The following RAP1GAP2 variants were observed in gnomAD, a reference collection of about 807,000 sequenced individuals.
The protein encoded by RAP1GAP2 is RAP1 GTPase activating protein 2.
Under a neutral mutation model 95.0 loss-of-function variants are expected in RAP1GAP2, and 27 were observed. That is an observed-to-expected ratio of 0.28 (90% CI 0.21 to 0.39). The LOEUF (loss-of-function observed/expected upper bound fraction) is 0.39. Ranked by LOEUF, RAP1GAP2 falls within the 10% of genes least tolerant of loss-of-function variation. The pLI is 1.00. For synonymous variants in RAP1GAP2, 373 were observed against 380.9 expected, an observed-to-expected ratio of 0.98 and a Z score of 0.24; for missense variants, 771 against 970.0, an observed-to-expected ratio of 0.79 and a Z score of 2.72.
intron 1 of RAP1GAP2, among the ~76,000 whole-genome samples, chr17:2,798,882 G>A (rs1264813537): frequency 6.6e-6 from 1 of 152,156 alleles, no homozygotes; most frequent in East Asian, 1.9e-4. Flanking sequence ...CGGTGGGCGG[G>A]GCTGACCCGA....
chr17:2,901,284 C>T lies in RAP1GAP2; in HGVS notation c.81-4000C>T, dbSNP rs368277244. ...CCCCCAGGTGGCAGAGGCTCTCTGA[C>T]CTGCCCTTCCAGCCTGCCCTTGCCA... On this transcript the variant is annotated intron_variant, in intron 2 of 24. Transcript: ENST00000254695. Among the ~76,000 whole-genome samples the T allele has an allele frequency of 7.2e-5, 11 of 152,308 alleles. No individual in the cohort carries two copies. The East Asian group carries it at 2.1e-3, about 29-fold the overall frequency.
At chr17:2,776,823 CGGAGGA>C (rs372983882), upstream of RAP1GAP2, among the ~76,000 whole-genome samples, 1,003 of 144,094 alleles carry the variant, frequency 7.0e-3, 5 homozygotes, top group Middle Eastern at 0.014. Context: ...CCCGCCGCCC[CGGAGGA>C]GGAGGAGGAG....
intron 2 of RAP1GAP2, among the ~76,000 whole-genome samples, chr17:2,852,500 G>C (rs1326888486): frequency 1.3e-5 from 2 of 152,116 alleles, no homozygotes; most frequent in African/African-American, 4.8e-5. Flanking sequence ...TCAGGCCCTC[G>C]AATTCGTTTG....
rs368236703 is a variant in RAP1GAP2, at chr17:2,841,036, T to G, written c.80+40486T>G. ...CCGGTGTGGTGGCTCACGCCTGTAA[T>G]TCCAGCTGCTTGGGAAGCTGAGGCA... On this transcript the variant is annotated intron_variant, in intron 2 of 24. Coordinates refer to ENST00000254695, the MANE Select transcript of RAP1GAP2 (RefSeq NM_015085.5). Among the ~76,000 whole-genome samples the G allele has an allele frequency of 5.9e-5, 9 of 151,772 alleles. No individual in the cohort carries two copies. In the East Asian group the frequency reaches 6.0e-4, roughly 10 times the overall value.
In RAP1GAP2 at chr17:3,036,987, CCCTCGGCT is replaced by C. The variant is rs368768533; in HGVS notation, c.*3631_*3638del. On this transcript the variant is annotated 3_prime_UTR_variant, in exon 25 of 25. Coordinates refer to ENST00000254695, the MANE Select transcript of RAP1GAP2 (RefSeq NM_015085.5). ...CAGGCCAGTCAGCCATGCTCAGGAC[CCCTCGGCT>C]CCTCCCCCAGCCTCTAGCTACCCTG... is the stretch of plus-strand genomic sequence containing the variant. 2.2e-4 allele frequency: 34 copies of C among 152,770 alleles called. No homozygotes were observed. The highest frequency in any genetic ancestry group is 8.2e-4 in the African/African-American group (34 of 41,442). 9.5% of individuals were successfully genotyped at this position (152,770 alleles called of 1,614,324 possible). A position where few individuals can be genotyped will look rare whatever the true frequency, so the allele number is the denominator to read the frequency against.
rs145834309 is a variant in RAP1GAP2 at position 2,770,202 on chromosome 17, G to A, written c.51-127G>A. 5 of 396,460 alleles carry A rather than the reference G, an allele frequency of 1.3e-5. No individual in the cohort carries two copies. The East Asian group carries it at 1.8e-4, about 14-fold the overall frequency. 24.6% of individuals were successfully genotyped at this position (396,460 alleles called of 1,614,324 possible). ...GGCCCTCTGGAAACAGGGCTTTCTG[G>A]CAGATGAGCAGGAGGGATATTTGTA... On this transcript the variant is annotated intron_variant, in intron 1 of 25. Coordinates refer to the RAP1GAP2 transcript ENST00000637138.
At chr17:2,789,700 T>C (rs772681049) in intron 1 of RAP1GAP2, among the ~76,000 whole-genome samples, 46 of 140,906 alleles carry the variant, frequency 3.3e-4, no homozygotes, top group Non-Finnish European at 6.2e-4. Context: ...GAGAATTGCT[T>C]GAACCTGGGA....
intron 8 of RAP1GAP2, among the ~76,000 whole-genome samples, chr17:2,979,032 A>G (rs1320541865): frequency 6.6e-6 from 1 of 152,210 alleles, no homozygotes; most frequent in Non-Finnish European, 1.5e-5. Flanking sequence ...ATTAAAAATA[A>G]TATGTCAGAA....
At chr17:2,924,793 G>A in intron 3 of RAP1GAP2, among the ~76,000 whole-genome samples, 1 of 152,154 alleles carries the variant, frequency 6.6e-6, no homozygotes, top group East Asian at 1.9e-4. Flanking sequence ...ATTTCGTCTT[G>A]GAGCCTATCT....
At chr17:2,933,740 A>G (rs1032284228) in intron 3 of RAP1GAP2, among the ~76,000 whole-genome samples, 2 of 152,150 alleles carry the variant, frequency 1.3e-5, no homozygotes, top group South Asian at 4.1e-4. Flanking sequence ...GAATAACCTG[A>G]TGAGATTTCC....
intron 3 of RAP1GAP2, among the ~76,000 whole-genome samples, chr17:2,946,564 C>A (rs956250085): frequency 6.6e-6 from 1 of 152,136 alleles, no homozygotes; most frequent in Non-Finnish European, 1.5e-5. Context: ...CCTATAAAAA[C>A]CCAACCATCT....
intron 3 of RAP1GAP2, among the ~76,000 whole-genome samples, chr17:2,927,433 G>A (rs112391906): frequency 0.014 from 2,155 of 151,796 alleles, 25 homozygotes; most frequent in African/African-American, 0.028. Context: ...GATTACAGGC[G>A]TGAGCCACCG....
rs1166322107 is a variant in RAP1GAP2, at chr17:2,963,179, G to A, written c.247-251G>A. 3.5e-6 allele frequency: 2 copies of A among 577,856 alleles called. No individual in the cohort carries two copies. Among genetic ancestry groups the A allele is most frequent in the Non-Finnish European group, 6.2e-6 (2 of 324,468 alleles). The allele number at this position is 577,856 out of a possible 1,614,324, so 35.8% of individuals were successfully genotyped here. ...TTCTAGGATGAGAAGCTGGTATCAC[G>A]AGGGGTGAGAAGTTCAGCACCTTCG... On this transcript the variant is annotated intron_variant, in intron 5 of 24. Coordinates refer to ENST00000254695, the MANE Select transcript of RAP1GAP2 (RefSeq NM_015085.5). The surrounding 1 kb of genome is among the most constrained non-coding windows in gnomAD (Gnocchi z 4.8).
intron 2 of RAP1GAP2, among the ~76,000 whole-genome samples, chr17:2,889,626 A>G (rs1380322350): frequency 6.6e-6 from 1 of 150,718 alleles, no homozygotes; most frequent in African/African-American, 2.4e-5. Context: ...CTAATGTCCC[A>G]GAGAAAGAGG....
intron 2 of RAP1GAP2, among the ~76,000 whole-genome samples, chr17:2,832,359 T>A (rs112177626): frequency 6.6e-6 from 1 of 150,580 alleles, no homozygotes; most frequent in Non-Finnish European, 1.5e-5. Context: ...GAGATCGAGA[T>A]CATCCTGGCT....
intron 2 of RAP1GAP2, among the ~76,000 whole-genome samples, chr17:2,890,568 G>C (rs576424990): frequency 6.6e-6 from 1 of 152,080 alleles, no homozygotes; most frequent in Non-Finnish European, 1.5e-5. Context: ...ACTGTGAGAC[G>C]GGGCTCCTTT....
At chr17:2,943,678 C>CA (rs59361947) in intron 3 of RAP1GAP2, among the ~76,000 whole-genome samples, 415 of 151,866 alleles carry the variant, frequency 2.7e-3, no homozygotes, top group African/African-American at 7.7e-3. Context: ...AACAAACAAA[C>CA]AAAAAAAAAC....
At position 2,869,083 on chromosome 17, in the gene RAP1GAP2, T is replaced by C. The variant is rs1056775280; in HGVS notation, c.81-36201T>C. Among the ~76,000 whole-genome samples, 4 of 152,166 alleles carry C rather than the reference T, an allele frequency of 2.6e-5. No homozygotes were observed. In the East Asian group the frequency reaches 7.7e-4, roughly 29 times the overall value. On this transcript the variant is annotated intron_variant, in intron 2 of 24. Transcript: ENST00000254695. ...TTTTCCAAGGCACTGATTCCATTCA[T>C]GAGGGCTTCACTCCTCCTGACCCAA...
chr17:2,853,132 T>C (rs1466879144), intron 2 of RAP1GAP2, among the ~76,000 whole-genome samples: 1 of 151,956 alleles, frequency 6.6e-6, no homozygotes, highest in Non-Finnish European at 1.5e-5. Flanking sequence ...CCCAGCCCAC[T>C]CTGCATCCCA....
Sources: allele counts gnomAD v4.1 joint callset (sites outside exome capture counted in the v4.1 genomes callset), GRCh38; gene constraint gnomAD v4.1.1; non-coding constraint Gnocchi (gnomAD v3.1); transcripts MANE v1.5; gene names NCBI Gene and HGNC (gene_info 2026-07-23, HGNC 2026-07-21).